Variants in SLC25A37 observed in about 807,000 individuals in gnomAD.
The protein encoded by SLC25A37 is solute carrier family 25 member 37.
A neutral mutation model predicts 31.0 loss-of-function variants in SLC25A37; 17 were observed. The ratio of observed to expected loss-of-function variants is 0.55; its 90% CI spans 0.38 to 0.82. The LOEUF is 0.82. Ranked by LOEUF, SLC25A37 falls within the 40% of genes least tolerant of loss-of-function variation. The pLI, the probability that SLC25A37 is intolerant of heterozygous loss-of-function variation, is 0.00. For missense variants in SLC25A37, 404 were observed against 465.8 expected, an observed-to-expected ratio of 0.87 and a Z score of 1.22; for synonymous variants, 222 against 193.0, an observed-to-expected ratio of 1.15 and a Z score of -1.24.
chr8:23,541,716 T>C (rs187520738), intron 1 of SLC25A37: 2 of 152,410 alleles, frequency 1.3e-5, no homozygotes, highest in Admixed American at 1.3e-4. Flanking sequence ...CTCCCCACTT[T>C]CTCTGCCCTC....
chr8:23,558,952 G>A (rs1802438879), intron 1 of SLC25A37, among the ~76,000 whole-genome samples: 1 of 152,214 alleles, frequency 6.6e-6, no homozygotes, highest in South Asian at 2.1e-4. Flanking sequence ...CCACACAGTT[G>A]CCAGAGGGGT....
intron 1 of SLC25A37, among the ~76,000 whole-genome samples, chr8:23,563,809 A>G (rs1022748349): frequency 1.3e-4 from 20 of 152,026 alleles, no homozygotes; most frequent in African/African-American, 3.6e-4. Context: ...GTGAAACCCA[A>G]TCTCTACTAA....
In SLC25A37 at chr8:23,572,000, A is replaced by T; in HGVS notation, c.*145A>T. The T allele has an allele frequency of 2.2e-6, 2 of 902,498 alleles. No individual in the cohort carries two copies. The highest frequency in any genetic ancestry group is 3.3e-6 in the Non-Finnish European group (2 of 603,228). 55.9% of individuals were successfully genotyped at this position (902,498 alleles called of 1,614,324 possible). On this transcript the variant is annotated 3_prime_UTR_variant, in exon 4 of 4. Coordinates refer to ENST00000519973, the MANE Select transcript of SLC25A37 (RefSeq NM_016612.4). ...CCCAATGCCTTAGAGAGAGGAGGGGACGGCACGGCCGCTCACCGGAAGGCT... is the reference window on the plus strand; with the variant it reads ...CCCAATGCCTTAGAGAGAGGAGGGGTCGGCACGGCCGCTCACCGGAAGGCT...
At chr8:23,533,131 C>T (rs1801694585) in intron 1 of SLC25A37, among the ~76,000 whole-genome samples, 1 of 152,176 alleles carries the variant, frequency 6.6e-6, no homozygotes. Flanking sequence ...TATTTGTGAG[C>T]TGCAGTCCTG....
At chr8:23,540,306 A>C (rs1801862492) in intron 1 of SLC25A37, among the ~76,000 whole-genome samples, 1 of 152,242 alleles carries the variant, frequency 6.6e-6, no homozygotes, top group African/African-American at 2.4e-5. Flanking sequence ...TGTTGGATGC[A>C]GACTCAGATG....
chr8:23,536,885 C>A (rs967746368), intron 1 of SLC25A37, among the ~76,000 whole-genome samples: 6 of 152,178 alleles, frequency 3.9e-5, no homozygotes, highest in Admixed American at 3.9e-4. Context: ...CCTTGAGATC[C>A]CAGACTGCCC....
intron 1 of SLC25A37, among the ~76,000 whole-genome samples, chr8:23,546,816 T>C (rs1802080311): frequency 6.6e-6 from 1 of 152,024 alleles, no homozygotes; most frequent in South Asian, 2.1e-4. Flanking sequence ...TTATTTGTTT[T>C]TAAATTTTTT....
intron 3 of SLC25A37, 47 bp from the exon 4 acceptor site, chr8:23,571,288 C>T (rs1361095165): frequency 2.0e-6 from 3 of 1,484,934 alleles, no homozygotes; most frequent in South Asian, 2.7e-5. Flanking sequence ...ATCCAACCCA[C>T]TGCCCACTGG....
In SLC25A37 at chr8:23,572,203, T is replaced by TAAAAAAAAAAAAAAAAAA. The variant is rs540950017; in HGVS notation, c.*376_*393dup. 1.2e-5 allele frequency: 1 copy of TAAAAAAAAAAAAAAAAAA among 85,786 alleles called. No homozygotes were observed. Among genetic ancestry groups the TAAAAAAAAAAAAAAAAAA allele is most frequent in the Admixed American group, 1.2e-4 (1 of 8,518 alleles). 5.3% of individuals were successfully genotyped at this position (85,786 alleles called of 1,614,324 possible). A position where few individuals can be genotyped will look rare whatever the true frequency, so the allele number is the denominator to read the frequency against. On this transcript the variant is annotated 3_prime_UTR_variant, in exon 4 of 4. Coordinates refer to ENST00000519973, the MANE Select transcript of SLC25A37 (RefSeq NM_016612.4). ...GAAAATTTGCAGTGACTGAAAACAG[T>TAAAAAAAAAAAAAAAAAA]AAAAAAAAAAAAAAAAAAAAAAAAA...
intron 1 of SLC25A37, among the ~76,000 whole-genome samples, chr8:23,551,020 C>A (rs1362264464): frequency 3.3e-5 from 5 of 152,220 alleles, no homozygotes; most frequent in African/African-American, 1.2e-4. Context: ...ATAGTATGAA[C>A]TTGGCCACAC....
chr8:23,555,860 C>T (rs906642379), intron 1 of SLC25A37, among the ~76,000 whole-genome samples: 1 of 152,212 alleles, frequency 6.6e-6, no homozygotes, highest in Admixed American at 6.5e-5. Flanking sequence ...GTGACCTGAA[C>T]GCTGAAGGAA....
intron 1 of SLC25A37, among the ~76,000 whole-genome samples, chr8:23,554,993 A>G (rs1037435318): frequency 2.0e-5 from 3 of 152,170 alleles, no homozygotes; most frequent in African/African-American, 7.2e-5. Context: ...CCAGCAAGGT[A>G]TTCAGGGCCT....
chr8:23,563,948 T>G (rs1266172679), intron 1 of SLC25A37, among the ~76,000 whole-genome samples: 2 of 152,182 alleles, frequency 1.3e-5, no homozygotes, highest in East Asian at 3.9e-4. Context: ...GCCACTGCAC[T>G]CCAGCCTGGG....
At position 23,574,081 on chromosome 8, in the gene SLC25A37, G is replaced by T. The variant is rs189711064; in HGVS notation, c.*2226G>T. The stretch of plus-strand genomic sequence containing the variant: ...TTAAGATATGCCACGCTGAAGCAAG[G>T]TATTTCCTACTGGATTTTGCTTTCA... On this transcript the variant is annotated 3_prime_UTR_variant, in exon 4 of 4. Coordinates refer to ENST00000519973, the MANE Select transcript of SLC25A37 (RefSeq NM_016612.4). The T allele has an allele frequency of 3.5e-4, 118 of 336,622 alleles. No individual in the cohort carries two copies. Among genetic ancestry groups the T allele is most frequent in the Non-Finnish European group, 5.7e-4 (95 of 167,304 alleles). The allele number at this position is 336,622 out of a possible 1,614,324, so 20.9% of individuals were successfully genotyped here. A position where few individuals can be genotyped will look rare whatever the true frequency, so the allele number is the denominator to read the frequency against.
chr8:23,568,160 C>T, intron 2 of SLC25A37, 162 bp from the exon 3 acceptor site: 1 of 743,670 alleles, frequency 1.3e-6, no homozygotes, highest in East Asian at 2.5e-5. Flanking sequence ...ATATTTCCAC[C>T]ATCACTTCAG....
At chr8:23,538,599 T>C (rs1801826205) in intron 1 of SLC25A37, among the ~76,000 whole-genome samples, 1 of 151,698 alleles carries the variant, frequency 6.6e-6, no homozygotes, top group African/African-American at 2.4e-5. Context: ...GATGAGGCAA[T>C]GTCTTCATTT....
At chr8:23,548,457 C>T (rs941633690) in intron 1 of SLC25A37, among the ~76,000 whole-genome samples, 72 of 147,338 alleles carry the variant, frequency 4.9e-4, no homozygotes, top group African/African-American at 1.7e-3. Flanking sequence ...GGATTACAGG[C>T]GTGAGCCACC....
Position 23,573,699 on chromosome 8 carries a change from G to C in SLC25A37, c.*1844G>C, listed in dbSNP as rs1249818340. 3 of 433,780 alleles carry C rather than the reference G, an allele frequency of 6.9e-6. No individual in the cohort carries two copies. The highest frequency in any genetic ancestry group is 2.5e-5 in the Admixed American group (1 of 40,292). 26.9% of individuals were successfully genotyped at this position (433,780 alleles called of 1,614,324 possible). ...TCAGTGGAGTTCCTTTTTCAGATCA[G>C]GGATGGGAAAGAGCCAAACTGGGTA... On this transcript the variant is annotated 3_prime_UTR_variant, in exon 4 of 4. Coordinates refer to ENST00000519973, the MANE Select transcript of SLC25A37 (RefSeq NM_016612.4).
chr8:23,559,787 G>A (rs1802466667), intron 1 of SLC25A37, among the ~76,000 whole-genome samples: 1 of 152,192 alleles, frequency 6.6e-6, no homozygotes, highest in Non-Finnish European at 1.5e-5. Context: ...CACTTAGCAT[G>A]CTGTTGTCAA....
Sources: allele counts gnomAD v4.1 joint callset (sites outside exome capture counted in the v4.1 genomes callset), GRCh38; gene constraint gnomAD v4.1.1; transcripts MANE v1.5; gene names NCBI Gene and HGNC (gene_info 2026-07-23, HGNC 2026-07-21).